Variants in MOK observed in about 807,000 individuals in gnomAD.
MOK encodes the protein MOK protein kinase, also known as MAPK/MAK/MRK overlapping kinase.
Under a neutral mutation model 54.2 loss-of-function variants are expected in MOK, and 59 were observed. The ratio of observed to expected loss-of-function variants is 1.09; its 90% CI spans 0.88 to 1.35. The LOEUF (loss-of-function observed/expected upper bound fraction) is 1.35, where lower values mean the gene tolerates loss of function less well. MOK is among the 40% of genes most tolerant of loss of function. The pLI is 0.00. For synonymous variants in MOK, 210 were observed against 202.7 expected (o/e 1.04, Z -0.31); for missense variants, 517 against 526.2 (o/e 0.98, Z 0.17).
chr14:102,285,881 A>G (rs1401420012), intron 1 of MOK, among the ~76,000 whole-genome samples: 3 of 151,564 alleles, frequency 2.0e-5, no homozygotes, highest in African/African-American at 4.8e-5. Context: ...GACAAGAGCA[A>G]AACTCTGTCT....
chr14:102,278,167 C>T (rs1381172215), intron 2 of MOK, among the ~76,000 whole-genome samples: 2 of 152,100 alleles, frequency 1.3e-5, no homozygotes, highest in Non-Finnish European at 2.9e-5. Flanking sequence ...TAATCTTGTA[C>T]TTATCACCCT....
chr14:102,246,779 T>C (rs1378737265), intron 7 of MOK, among the ~76,000 whole-genome samples: 1 of 152,136 alleles, frequency 6.6e-6, no homozygotes, highest in African/African-American at 2.4e-5. Flanking sequence ...TGCCTATTAG[T>C]AGGAACCGTA....
chr14:102,272,259 C>A (rs2068434762), intron 2 of MOK, among the ~76,000 whole-genome samples: 1 of 152,152 alleles, frequency 6.6e-6, no homozygotes, highest in African/African-American at 2.4e-5. Flanking sequence ...GAGGCCAAGT[C>A]TGGCGAATTG....
chr14:102,224,673 A>G (rs1433100295), downstream of MOK: 2 of 455,930 alleles, frequency 4.4e-6, no homozygotes, highest in African/African-American at 4.0e-5. Flanking sequence ...ACATCAGCTC[A>G]GCCCTCGGTT....
At chr14:102,215,155 G>A in the MOK span, 1 of 241,960 alleles carries the variant, frequency 4.1e-6, no homozygotes, top group African/African-American at 2.3e-5. Flanking sequence ...TCTTACTAAA[G>A]CTGACTGTTT....
chr14:102,239,956 C>G (rs888200998), intron 7 of MOK, among the ~76,000 whole-genome samples: 11 of 152,330 alleles, frequency 7.2e-5, no homozygotes, highest in African/African-American at 2.2e-4. Context: ...GTCATCCTTA[C>G]TGTCAGGCCT....
At chr14:102,278,005 G>T (rs1336678886) in intron 2 of MOK, among the ~76,000 whole-genome samples, 2 of 152,056 alleles carry the variant, frequency 1.3e-5, no homozygotes, top group Non-Finnish European at 2.9e-5. Context: ...GGCATTAGTG[G>T]CTCTAAGAAG....
At chr14:102,292,015 C>T (rs1416097133) in intron 1 of MOK, among the ~76,000 whole-genome samples, 1 of 151,402 alleles carries the variant, frequency 6.6e-6, no homozygotes, top group Non-Finnish European at 1.5e-5. Flanking sequence ...AGCTATATAC[C>T]ACACACTGTG....
intron 1 of MOK, among the ~76,000 whole-genome samples, chr14:102,298,916 A>G (rs1178849875): frequency 6.6e-6 from 1 of 152,198 alleles, no homozygotes; most frequent in Admixed American, 6.6e-5. Context: ...CTTCAGAGCG[A>G]TAACACTCAC....
At position 102,233,701 on chromosome 14, in the gene MOK, T is replaced by C. The variant is rs1405179150; in HGVS notation, c.679A>G (p.Thr227Ala). The C allele has an allele frequency of 6.2e-7, 1 of 1,613,144 alleles. No homozygotes were observed. Among genetic ancestry groups the C allele is most frequent in the South Asian group, 1.1e-5 (1 of 91,064 alleles). Reference sequence around the variant, plus strand: ...CACAATACTTACTGTTTGAACTTGGTGAGGATCTTCTGAGCGGGTGTGCCG... The same window carrying C: ...CACAATACTTACTGTTTGAACTTGGCGAGGATCTTCTGAGCGGGTGTGCCG... Reference protein sequence around the residue: ...VIGTPAQKILTKFKQSRAMNF... With the variant: ...VIGTPAQKILAKFKQSRAMNF... Residue 227 changes from threonine to alanine, a missense_variant, in exon 8 of 12, where the codon ACC becomes GCC. Physicochemically the swap from Thr to Ala is moderately conservative, Grantham distance 58. Transcript: ENST00000361847.
chr14:102,302,664 C>T (rs1326216208), intron 1 of MOK, among the ~76,000 whole-genome samples: 1 of 151,884 alleles, frequency 6.6e-6, no homozygotes, highest in East Asian at 1.9e-4. Context: ...ATCTGCCCGC[C>T]TCGGCCTCCC....
chr14:102,298,917 T>A (rs2071799772), intron 1 of MOK, among the ~76,000 whole-genome samples: 1 of 152,056 alleles, frequency 6.6e-6, no homozygotes, highest in African/African-American at 2.4e-5. Context: ...TTCAGAGCGA[T>A]AACACTCACC....
intron 1 of MOK, among the ~76,000 whole-genome samples, chr14:102,299,213 C>T (rs773940940): frequency 7.2e-5 from 11 of 152,086 alleles, no homozygotes; most frequent in Non-Finnish European, 1.6e-4. Context: ...ACAACAGATA[C>T]TTTTAAAAAT....
chr14:102,256,601 CAG>C (rs1203799106), intron 4 of MOK, among the ~76,000 whole-genome samples: 15 of 151,722 alleles, frequency 9.9e-5, no homozygotes, highest in Non-Finnish European at 7.4e-5. Flanking sequence ...TTTGTACAGA[CAG>C]AGTCTTAGGC....
chr14:102,251,599 A>AT (rs2066531027), intron 6 of MOK, 157 bp downstream of exon 6: 1 of 705,630 alleles, frequency 1.4e-6, no homozygotes, highest in Non-Finnish European at 2.6e-6. Context: ...TAAATAAACC[A>AT]TTTTTTACAA....
intron 1 of MOK, among the ~76,000 whole-genome samples, chr14:102,294,212 C>A (rs970132150): frequency 9.3e-5 from 14 of 150,842 alleles, no homozygotes; most frequent in Non-Finnish European, 2.1e-4. Context: ...TTTGGGAGGC[C>A]AAGGCGGGCG....
At chr14:102,281,153 A>G (rs1443935340) in intron 2 of MOK, among the ~76,000 whole-genome samples, 1 of 151,972 alleles carries the variant, frequency 6.6e-6, no homozygotes, top group East Asian at 1.9e-4. Flanking sequence ...GTGAAACCCC[A>G]TCTCTACTAA....
At chr14:102,298,063 G>A (rs7157099) in intron 1 of MOK, among the ~76,000 whole-genome samples, 6,317 of 152,326 alleles carry the variant, frequency 0.041, 145 homozygotes, top group Middle Eastern at 0.065. Flanking sequence ...CCCAAGGGCT[G>A]AGGGGTGCAG....
rs2064795449 is a variant in MOK at position 102,232,255 on chromosome 14, T to C, written c.866+280A>G. 7.4e-6 allele frequency: 3 copies of C among 407,762 alleles called. No homozygotes were observed. Among genetic ancestry groups the C allele is most frequent in the Non-Finnish European group, 1.3e-5 (3 of 230,370 alleles). The allele number at this position is 407,762 out of a possible 1,614,324, so 25.3% of individuals were successfully genotyped here. The stretch of plus-strand genomic sequence containing the variant: ...ACAAGGGCCGCACACCAGGCTCTTC[T>C]AGAAGGATTACTACCTGTAGCCTTG... On this transcript the variant is annotated intron_variant, in intron 9 of 11. Coordinates refer to ENST00000361847, the MANE Select transcript of MOK (RefSeq NM_014226.3). This position sits in a 1 kb window ranked among gnomAD's most constrained non-coding sequence, Gnocchi z 5.1.
Sources: gnomAD v4.1 joint callset for allele counts (sites outside exome capture counted in the v4.1 genomes callset) on GRCh38, gnomAD v4.1.1 for gene constraint, Gnocchi (gnomAD v3.1) non-coding constraint, MANE v1.5 for transcripts, NCBI Gene and HGNC (gene_info 2026-07-23, HGNC 2026-07-21) for gene names.